Variants in USP28 observed in about 807,000 individuals in gnomAD.
USP28 encodes ubiquitin carboxyl-terminal hydrolase 28.
A neutral mutation model predicts 145.0 loss-of-function variants in USP28; 113 were observed. That is an observed-to-expected ratio of 0.78 (90% CI 0.67 to 0.91). The LOEUF (loss-of-function observed/expected upper bound fraction) is 0.91, where lower values mean the gene tolerates loss of function less well. Among genes scored for constraint, USP28 ranks in the 40% least tolerant of loss-of-function variants. The pLI is 0.00. For missense variants in USP28, 1,201 were observed against 1,289.6 expected, an observed-to-expected ratio of 0.93 and a Z score of 1.05; for synonymous variants, 447 against 450.9, an observed-to-expected ratio of 0.99 and a Z score of 0.11.
At chr11:113,798,175 C>T (rs1269297032) in exon 25 of USP28, 1 of 137,938 alleles carries the variant, frequency 7.2e-6, no homozygotes, top group Non-Finnish European at 1.5e-5. Context: ...CTTTGGGAGG[C>T]TGAGGGAGGC....
At chr11:113,802,164 C>G (rs1184849536) in intron 23 of USP28, among the ~76,000 whole-genome samples, 1 of 152,132 alleles carries the variant, frequency 6.6e-6, no homozygotes, top group African/African-American at 2.4e-5. Flanking sequence ...TGGAAAGAGT[C>G]TAAATCCCTA....
chr11:113,829,454 G>A (rs1943736348), intron 9 of USP28, 109 bp from the exon 10 acceptor site: 4 of 1,367,722 alleles, frequency 2.9e-6, no homozygotes, highest in East Asian at 4.7e-5. Flanking sequence ...CCTGATAGCT[G>A]GTTAGAAATG....
exon 25 of USP28, chr11:113,799,282 G>A (rs1374274064): frequency 9.9e-6 from 16 of 1,614,030 alleles, no homozygotes; most frequent in Non-Finnish European, 1.4e-5. Context: ...TTGACTCCAT[G>A]ACAGCTGCAA....
At chr11:113,841,605 G>C in intron 4 of USP28, 58 bp downstream of exon 4, 1 of 1,106,374 alleles carries the variant, frequency 9.0e-7, no homozygotes. Flanking sequence ...TCACAGAGCT[G>C]TTGCCTTTGA....
At chr11:113,854,582 A>ACATT (rs1367120602) in intron 1 of USP28, among the ~76,000 whole-genome samples, 3 of 152,160 alleles carry the variant, frequency 2.0e-5, no homozygotes, top group Admixed American at 6.5e-5. Context: ...TTGTATTTTT[A>ACATT]GTAGTGACGG....
chr11:113,840,901 G>C (rs1199227823), intron 4 of USP28, 144 bp from the exon 5 acceptor site: 1 of 1,032,532 alleles, frequency 9.7e-7, no homozygotes, highest in Middle Eastern at 3.1e-4. Context: ...ATAAGGAACT[G>C]TAAGACTGTA....
intron 5 of USP28, among the ~76,000 whole-genome samples, chr11:113,840,397 T>A (rs1005199100): frequency 6.6e-6 from 1 of 152,222 alleles, no homozygotes; most frequent in Non-Finnish European, 1.5e-5. Flanking sequence ...ATTCAATATA[T>A]TTACAACCAC....
intron 3 of USP28, among the ~76,000 whole-genome samples, chr11:113,848,521 C>G (rs903761827): frequency 1.3e-5 from 2 of 152,254 alleles, no homozygotes; most frequent in Middle Eastern, 3.4e-3. Flanking sequence ...CTTCGTGACA[C>G]AGAAGCACAA....
intron 1 of USP28, among the ~76,000 whole-genome samples, chr11:113,866,091 C>T (rs149530201): frequency 1.8e-4 from 28 of 152,302 alleles, no homozygotes; most frequent in African/African-American, 6.5e-4. Context: ...GTCAGGAGTT[C>T]AAGACCAGCC....
At chr11:113,825,816 G>A (rs990448262) in intron 11 of USP28, among the ~76,000 whole-genome samples, 3 of 152,170 alleles carry the variant, frequency 2.0e-5, no homozygotes, top group African/African-American at 7.2e-5. Flanking sequence ...AACATTAAGT[G>A]GTTGCCAGGA....
chr11:113,801,464 T>C lies in USP28; in HGVS notation c.3058+19A>G. Reference sequence around the variant, plus strand: ...TACAATTCTCAAAACCTCAGAATATTATTACCAAGAGCATATACCTGCAAT... The same window carrying C: ...TACAATTCTCAAAACCTCAGAATATCATTACCAAGAGCATATACCTGCAAT... On this transcript the variant is annotated intron_variant, in intron 24 of 24. Transcript: ENST00000003302. The C allele has an allele frequency of 6.6e-7, 1 of 1,515,688 alleles. No individual in the cohort carries two copies. 93.9% of individuals were successfully genotyped at this position (1,515,688 alleles called of 1,614,324 possible). A position where few individuals can be genotyped will look rare whatever the true frequency, so the allele number is the denominator to read the frequency against.
At chr11:113,827,171 G>C (rs1319044932) in intron 11 of USP28, 62 bp downstream of exon 11, 2 of 1,550,402 alleles carry the variant, frequency 1.3e-6, no homozygotes, top group Non-Finnish European at 8.7e-7. Context: ...ACTATACTTA[G>C]TACGTGCTCA....
intron 1 of USP28, among the ~76,000 whole-genome samples, chr11:113,866,756 A>G (rs1948287697): frequency 6.6e-6 from 1 of 152,246 alleles, no homozygotes; most frequent in Non-Finnish European, 1.5e-5. Context: ...TCAAGAAGTT[A>G]AACATAGAAT....
At chr11:113,813,889 C>T (rs576955344) in exon 15 of USP28, 14 of 1,612,184 alleles carry the variant, frequency 8.7e-6, no homozygotes, top group African/African-American at 4.0e-5. Flanking sequence ...TTCTACCTGA[C>T]GAAGGAGAGG....
chr11:113,804,762 C>G lies in USP28; in HGVS notation c.2580-11G>C. On this transcript the variant is annotated splice_polypyrimidine_tract_variant and intron_variant, in intron 20 of 24. Coordinates refer to ENST00000003302, the Ensembl canonical transcript of USP28. ...ATAATGCTGATTGATCTGTGTGGGA[C>G]AAAGTTCAGAAAGCAATGAAAAGGC... 1 of 1,612,408 alleles carries G rather than the reference C, an allele frequency of 6.2e-7. No homozygotes were observed.
At chr11:113,821,335 C>A in intron 12 of USP28, 1 of 227,372 alleles carries the variant, frequency 4.4e-6, no homozygotes. Context: ...GTAACATGCC[C>A]CTTGGGTCCT....
chr11:113,801,454 C>G, intron 24 of USP28, 29 bp downstream of exon 25: 2 of 1,493,804 alleles, frequency 1.3e-6, no homozygotes, highest in East Asian at 4.6e-5. Context: ...TTCTCAAAAC[C>G]TCAGAATATT....
rs1221614106 is a variant in USP28, at chr11:113,823,695, A to G, written c.1193T>C (p.Met398Thr). Residue 398 changes from methionine to threonine, a missense_variant, in exon 12 of 25, where the codon ATG (methionine) becomes ACG (threonine). Transcript: ENST00000003302. Reference sequence around the variant, plus strand: ...TCGAATAAGCTCCTTGCTCCTGTACATGTACCTAAGTAAATAATCCCACAA... The same window carrying G: ...TCGAATAAGCTCCTTGCTCCTGTACGTGTACCTAAGTAAATAATCCCACAA... The G allele has an allele frequency of 3.2e-5, 51 of 1,603,964 alleles. 2 individuals carry two copies. The Admixed American group carries it at 8.5e-4, about 27-fold the overall frequency.
rs1161520401 is a variant in USP28 at position 113,852,636 on chromosome 11, A to T, written c.136-3T>A. The T allele has an allele frequency of 6.2e-7, 1 of 1,611,624 alleles. No individual in the cohort carries two copies. Among genetic ancestry groups the T allele is most frequent in the Admixed American group, 1.7e-5 (1 of 59,802 alleles). Reference sequence around the variant, plus strand: ...TGAGTAATGTCACCATTACTGGCCTATGGGAGAAAAAGACAATAGAAATTT... The same window carrying T: ...TGAGTAATGTCACCATTACTGGCCTTTGGGAGAAAAAGACAATAGAAATTT... On this transcript the variant is annotated splice_region_variant and splice_polypyrimidine_tract_variant and intron_variant, in intron 2 of 24. Transcript: ENST00000003302.
Sources: allele counts gnomAD v4.1 joint callset (sites outside exome capture counted in the v4.1 genomes callset), GRCh38; gene constraint gnomAD v4.1.1; transcripts MANE v1.5; gene names NCBI Gene and HGNC (gene_info 2026-07-23, HGNC 2026-07-21).